Variants in ZDHHC2 observed in about 807,000 individuals in gnomAD.
ZDHHC2 encodes palmitoyltransferase ZDHHC2.
Under a neutral mutation model 55.6 loss-of-function variants are expected in ZDHHC2, and 51 were observed. That is an observed-to-expected ratio of 0.92 (90% CI 0.73 to 1.16). ZDHHC2 has a LOEUF of 1.16. ZDHHC2 is among the 50% of genes most tolerant of loss of function. The pLI, the probability that ZDHHC2 is intolerant of heterozygous loss-of-function variation, is 0.00. For synonymous variants in ZDHHC2, 199 were observed against 152.9 expected, an observed-to-expected ratio of 1.30 and a Z score of -2.22; for missense variants, 491 against 442.4, an observed-to-expected ratio of 1.11 and a Z score of -0.99.
At chr8:17,171,174 T>A (rs1280746124) in intron 1 of ZDHHC2, among the ~76,000 whole-genome samples, 4 of 152,110 alleles carry the variant, frequency 2.6e-5, no homozygotes, top group African/African-American at 9.7e-5. Flanking sequence ...TCAGTGGTTG[T>A]AGGAACTTGG....
intron 3 of ZDHHC2, among the ~76,000 whole-genome samples, chr8:17,194,048 G>A (rs2150920274): frequency 6.6e-6 from 1 of 152,234 alleles, no homozygotes; most frequent in South Asian, 2.1e-4. Context: ...TTAGTTTGCT[G>A]AGAATGATGG....
intron 12 of ZDHHC2, among the ~76,000 whole-genome samples, chr8:17,219,585 C>A (rs1003221367): frequency 1.3e-5 from 2 of 151,882 alleles, no homozygotes; most frequent in African/African-American, 4.8e-5. Context: ...GGTGAAACCC[C>A]GTCTCTACCA....
chr8:17,160,997 G>C (rs756725623), intron 1 of ZDHHC2, among the ~76,000 whole-genome samples: 9 of 152,328 alleles, frequency 5.9e-5, no homozygotes, highest in Non-Finnish European at 1.2e-4. Context: ...ACATCCTTCA[G>C]CAGTGATTGC....
chr8:17,189,325 C>G (rs1316217189), intron 3 of ZDHHC2, among the ~76,000 whole-genome samples: 1 of 152,022 alleles, frequency 6.6e-6, no homozygotes, highest in East Asian at 1.9e-4. Context: ...CCTTACCTTC[C>G]TGGATTTTTC....
intron 3 of ZDHHC2, among the ~76,000 whole-genome samples, chr8:17,186,733 C>T (rs1029186891): frequency 3.9e-5 from 6 of 152,108 alleles, no homozygotes; most frequent in African/African-American, 1.4e-4. Flanking sequence ...AGAAGGTAGA[C>T]ATAATTCTAT....
chr8:17,162,148 G>A (rs1804379317), intron 1 of ZDHHC2, among the ~76,000 whole-genome samples: 1 of 152,182 alleles, frequency 6.6e-6, no homozygotes. Flanking sequence ...CATTTAGTGT[G>A]TCAGAGACTT....
intron 4 of ZDHHC2, among the ~76,000 whole-genome samples, chr8:17,196,508 T>G (rs1251463979): frequency 6.6e-6 from 1 of 151,838 alleles, no homozygotes; most frequent in East Asian, 1.9e-4. Context: ...GAGCTGTGGT[T>G]GCACCACTGC....
At chr8:17,206,984 A>G (rs768452065) in intron 7 of ZDHHC2, among the ~76,000 whole-genome samples, 1 of 152,238 alleles carries the variant, frequency 6.6e-6, no homozygotes, top group Non-Finnish European at 1.5e-5. Context: ...TTCAGTGTCC[A>G]GCTTGAAAAA....
intron 1 of ZDHHC2, among the ~76,000 whole-genome samples, chr8:17,162,455 T>C (rs1168090576): frequency 6.6e-6 from 1 of 152,206 alleles, no homozygotes; most frequent in Non-Finnish European, 1.5e-5. Flanking sequence ...TGCAGGAATG[T>C]TTCCAGTAAT....
intron 8 of ZDHHC2, 50 bp downstream of exon 8, chr8:17,208,142 C>T: frequency 6.8e-7 from 1 of 1,463,476 alleles, no homozygotes; most frequent in South Asian, 1.4e-5. Context: ...CGTATACCAA[C>T]ATTCATTGAC....
chr8:17,192,417 C>T (rs903865426), intron 3 of ZDHHC2, among the ~76,000 whole-genome samples: 2 of 152,116 alleles, frequency 1.3e-5, no homozygotes, highest in African/African-American at 2.4e-5. Context: ...CTTTGTGTGT[C>T]GTCTTTTGAG....
chr8:17,220,172 T>C (rs1247136325), intron 12 of ZDHHC2, 84 bp from the exon 13 acceptor site: 1 of 152,204 alleles, frequency 6.6e-6, no homozygotes, highest in Non-Finnish European at 1.5e-5. Flanking sequence ...AGGGATATTA[T>C]TGAAACAGAT....
chr8:17,183,107 G>T (rs1013520734), intron 1 of ZDHHC2, among the ~76,000 whole-genome samples: 6 of 152,244 alleles, frequency 3.9e-5, no homozygotes, highest in South Asian at 4.1e-4. Context: ...TTAGTTTTCA[G>T]TTCTCTCCAC....
intron 1 of ZDHHC2, among the ~76,000 whole-genome samples, chr8:17,171,013 A>G (rs1317275296): frequency 6.6e-6 from 1 of 152,186 alleles, no homozygotes; most frequent in Non-Finnish European, 1.5e-5. Flanking sequence ...GGTGGTAAAT[A>G]GCCATTATGT....
intron 1 of ZDHHC2, among the ~76,000 whole-genome samples, chr8:17,178,119 C>G (rs916350775): frequency 6.6e-6 from 1 of 152,022 alleles, no homozygotes; most frequent in Admixed American, 6.6e-5. Context: ...TATCTGAAAG[C>G]TTGAATTTTG....
At chr8:17,202,094 C>T (rs1806813643) in intron 6 of ZDHHC2, among the ~76,000 whole-genome samples, 1 of 152,084 alleles carries the variant, frequency 6.6e-6, no homozygotes, top group Admixed American at 6.6e-5. Flanking sequence ...CACATGCTTG[C>T]CAAAGGTTAA....
intron 10 of ZDHHC2, among the ~76,000 whole-genome samples, chr8:17,211,339 C>G (rs1050918149): frequency 1.3e-5 from 2 of 152,132 alleles, no homozygotes; most frequent in African/African-American, 4.8e-5. Flanking sequence ...GTGCCACATA[C>G]ACAGTATCCA....
At chr8:17,181,460 C>G (rs1382211962) in intron 1 of ZDHHC2, among the ~76,000 whole-genome samples, 1 of 152,186 alleles carries the variant, frequency 6.6e-6, no homozygotes, top group East Asian at 1.9e-4. Context: ...TTAGTAAAAA[C>G]TGAGTAAACC....
chr8:17,215,390 T>C, intron 11 of ZDHHC2, 41 bp downstream of exon 11: 1 of 1,499,696 alleles, frequency 6.7e-7, no homozygotes, highest in Non-Finnish European at 9.1e-7. Flanking sequence ...ACATATTTTA[T>C]TTTTAGAAGG....
Sources: gnomAD v4.1 joint callset for allele counts (sites outside exome capture counted in the v4.1 genomes callset) on GRCh38, gnomAD v4.1.1 for gene constraint, MANE v1.5 for transcripts, NCBI Gene and HGNC (gene_info 2026-07-23, HGNC 2026-07-21) for gene names.